SORCS2: variants seen among roughly 807,000 people sequenced by gnomAD.
SORCS2 encodes the protein sortilin related VPS10 domain containing receptor 2.
A neutral mutation model predicts 141.6 loss-of-function variants in SORCS2; 100 were observed. That is an observed-to-expected ratio of 0.71 (90% CI 0.60 to 0.83). SORCS2 has a LOEUF of 0.83. Among genes scored for constraint, SORCS2 ranks in the 40% least tolerant of loss-of-function variants. The pLI is 0.00. For missense variants in SORCS2, 1,646 were observed against 1,560.2 expected (o/e 1.05, Z -0.93); for synonymous variants, 789 against 676.9 (o/e 1.17, Z -2.57).
At chr4:7,246,903 G>A (rs1421079564) in intron 1 of SORCS2, among the ~76,000 whole-genome samples, 1 of 152,232 alleles carries the variant, frequency 6.6e-6, no homozygotes, top group Non-Finnish European at 1.5e-5. Flanking sequence ...CATCTCTGGA[G>A]GCACAGTCCT....
At chr4:7,236,974 C>T (rs6446583) in intron 1 of SORCS2, among the ~76,000 whole-genome samples, 127,734 of 152,250 alleles carry the variant, frequency 0.84, 53,672 homozygotes, top group African/African-American at 0.86. Flanking sequence ...CAGGGCTCTG[C>T]TGAGCCCACC....
At chr4:7,459,708 A>G (rs1033940079) in intron 2 of SORCS2, among the ~76,000 whole-genome samples, 1 of 152,136 alleles carries the variant, frequency 6.6e-6, no homozygotes, top group African/African-American at 2.4e-5. Context: ...GCATGGCCTC[A>G]AGTGTCCCAT....
chr4:7,586,872 C>T (rs1025198583), intron 3 of SORCS2, among the ~76,000 whole-genome samples: 21 of 152,166 alleles, frequency 1.4e-4, no homozygotes, highest in African/African-American at 4.8e-4. Flanking sequence ...TGCATTTTCT[C>T]GAGGTGTTGA....
At position 7,192,968 on chromosome 4, in the gene SORCS2, G is replaced by C; in HGVS notation, c.322G>C (p.Gly108Arg). ...TCCCGCTCCTGGTCCCGGCGAGGACGGCGCCCCCGCCGCGGGCTACCGGCG... is the reference window on the plus strand; with the variant it reads ...TCCCGCTCCTGGTCCCGGCGAGGACCGCGCCCCCGCCGCGGGCTACCGGCG... The part of the protein sequence containing the change: ...PGPAPGPGED[G>R]APAAGYRRWE... Residue 108 changes from glycine to arginine, a missense_variant, in exon 1 of 27, where the codon GGC becomes CGC. By Grantham distance (125) the Gly-to-Arg change is moderately radical. Transcript: ENST00000507866. This position sits in a 1 kb window ranked among gnomAD's most constrained non-coding sequence, Gnocchi z 4.0. 1 of 1,374,240 alleles carries C rather than the reference G, an allele frequency of 7.3e-7. No homozygotes were observed. The allele number at this position is 1,374,240 out of a possible 1,614,324, so 85.1% of individuals were successfully genotyped here. A position where few individuals can be genotyped will look rare whatever the true frequency, so the allele number is the denominator to read the frequency against.
intron 3 of SORCS2, among the ~76,000 whole-genome samples, chr4:7,583,422 G>A (rs571594346): frequency 2.0e-4 from 30 of 152,116 alleles, no homozygotes; most frequent in Non-Finnish European, 4.1e-4. Context: ...ATACCACCTC[G>A]TAATAATAAA....
At chr4:7,553,526 A>G (rs1012577861) in intron 3 of SORCS2, among the ~76,000 whole-genome samples, 10 of 152,246 alleles carry the variant, frequency 6.6e-5, no homozygotes, top group Non-Finnish European at 1.5e-4. Flanking sequence ...TTCAGATAGC[A>G]GAACATCATG....
intron 3 of SORCS2, among the ~76,000 whole-genome samples, chr4:7,579,559 G>T (rs1022686769): frequency 1.1e-4 from 17 of 152,140 alleles, no homozygotes; most frequent in Admixed American, 1.3e-4. Flanking sequence ...TGCTCTCCTG[G>T]ATTCTACTCA....
intron 1 of SORCS2, among the ~76,000 whole-genome samples, chr4:7,335,448 C>G (rs968399237): frequency 1.3e-5 from 2 of 152,232 alleles, no homozygotes; most frequent in African/African-American, 4.8e-5. Context: ...CGACAGACCC[C>G]ACACGTGCTG....
intron 3 of SORCS2, among the ~76,000 whole-genome samples, chr4:7,532,473 A>C (rs1249161242): frequency 1.3e-5 from 2 of 152,210 alleles, no homozygotes; most frequent in Non-Finnish European, 2.9e-5. Context: ...GCTCAGCTCT[A>C]ATGGTGACTT....
At chr4:7,653,782 A>G (rs1435817293) in intron 4 of SORCS2, among the ~76,000 whole-genome samples, 1 of 152,150 alleles carries the variant, frequency 6.6e-6, no homozygotes, top group East Asian at 1.9e-4. Context: ...CAGCCCTGGC[A>G]ACACGTGGCT....
chr4:7,664,572 C>A lies in SORCS2; in HGVS notation c.1071+101C>A, dbSNP rs533033551. 9 of 801,696 alleles carry A rather than the reference C, an allele frequency of 1.1e-5. No homozygotes were observed. The highest frequency in any genetic ancestry group is 1.8e-5 in the Non-Finnish European group (9 of 501,018). The allele number at this position is 801,696 out of a possible 1,614,324, so 49.7% of individuals were successfully genotyped here. On this transcript the variant is annotated intron_variant, in intron 7 of 26. Coordinates refer to ENST00000507866, the MANE Select transcript of SORCS2 (RefSeq NM_020777.3). This position sits in a 1 kb window ranked among gnomAD's most constrained non-coding sequence, Gnocchi z 4.7. Reference sequence around the variant, plus strand: ...ATCGCTCAGAAAAGAGGCAATAAAACGGGTATTTCACTCTCAAATGCTACT... The same window carrying A: ...ATCGCTCAGAAAAGAGGCAATAAAAAGGGTATTTCACTCTCAAATGCTACT...
At chr4:7,373,587 G>A (rs1379476705) in intron 1 of SORCS2, among the ~76,000 whole-genome samples, 1 of 142,654 alleles carries the variant, frequency 7.0e-6, no homozygotes, top group African/African-American at 2.6e-5. Flanking sequence ...CCACCTCCCA[G>A]GTTCAAGTGA....
chr4:7,325,776 C>T (rs879873777), intron 1 of SORCS2, among the ~76,000 whole-genome samples: 5 of 152,196 alleles, frequency 3.3e-5, no homozygotes, highest in Non-Finnish European at 7.3e-5. Context: ...CCTCCCCCCA[C>T]GCCCACCCTC....
chr4:7,722,272 G>A (rs965143268), intron 18 of SORCS2, among the ~76,000 whole-genome samples: 3 of 152,128 alleles, frequency 2.0e-5, no homozygotes, highest in African/African-American at 4.8e-5. Flanking sequence ...AGACTTGAGC[G>A]CTTCCCCTCA....
At position 7,434,473 on chromosome 4, in the gene SORCS2, G is replaced by A. The variant is rs750307383; in HGVS notation, c.548+38118G>A. ...CTGCAGCGGCTCACAGAGGCTGAGC[G>A]CTGTGCACACCTGTGCCGGGGCACT... On this transcript the variant is annotated intron_variant, in intron 2 of 26. Transcript: ENST00000507866. The A allele has an allele frequency of 8.1e-6, 13 of 1,611,422 alleles. No homozygotes were observed. Among genetic ancestry groups the A allele is most frequent in the Admixed American group, 5.0e-5 (3 of 59,878 alleles).
At position 7,621,424 on chromosome 4, in the gene SORCS2, T is replaced by A. The variant is rs569954737; in HGVS notation, c.649-16904T>A. Among the ~76,000 whole-genome samples, 9 of 150,946 alleles carry A rather than the reference T, an allele frequency of 6.0e-5. 1 individual carries two copies. In the South Asian group the frequency reaches 1.9e-3, roughly 32 times the overall value. On this transcript the variant is annotated intron_variant, in intron 3 of 26. Coordinates refer to ENST00000507866, the MANE Select transcript of SORCS2 (RefSeq NM_020777.3). ...GTGTCTGTGTGCATGTTTGTGTGTG[T>A]GTGTGAGTGTGTGTCTATGTGTGTG...
intron 1 of SORCS2, among the ~76,000 whole-genome samples, chr4:7,315,848 G>C (rs1271036323): frequency 1.3e-5 from 2 of 152,108 alleles, no homozygotes; most frequent in African/African-American, 4.8e-5. Flanking sequence ...CAGCAGTGTG[G>C]GGGAGTGGGG....
At chr4:7,381,961 A>G (rs2109071188) in intron 1 of SORCS2, 1 of 985,770 alleles carries the variant, frequency 1.0e-6, no homozygotes, top group Non-Finnish European at 1.2e-6. Context: ...TCTCTGGGCC[A>G]GGCCTGTGGA....
chr4:7,666,634 C>T (rs1194309109), intron 7 of SORCS2, among the ~76,000 whole-genome samples: 1 of 152,174 alleles, frequency 6.6e-6, no homozygotes, highest in Non-Finnish European at 1.5e-5. Flanking sequence ...AGACCTGCCA[C>T]AGTCCTGTCC....
Sources: allele counts gnomAD v4.1 joint callset (sites outside exome capture counted in the v4.1 genomes callset), GRCh38; gene constraint gnomAD v4.1.1; non-coding constraint Gnocchi (gnomAD v3.1); transcripts MANE v1.5; gene names NCBI Gene and HGNC (gene_info 2026-07-23, HGNC 2026-07-21).